ZNF705A: variants seen among roughly 807,000 people sequenced by gnomAD.
ZNF705A encodes zinc finger protein 705A.
Under a neutral mutation model 16.6 loss-of-function variants are expected in ZNF705A, and 8 were observed. The observed-to-expected ratio is 0.48, with a 90% CI of 0.28 to 0.87. The LOEUF is 0.87. ZNF705A is among the 40% of genes least tolerant of loss of function. ZNF705A has a pLI of 0.10. For synonymous variants in ZNF705A, 73 were observed against 117.3 expected (o/e 0.62, Z 2.44); for missense variants, 233 against 359.9 (o/e 0.65, Z 2.85).
At chr12:8,171,626 C>A (rs1948446120), upstream of ZNF705A, among the ~76,000 whole-genome samples, 1 of 152,190 alleles carries the variant, frequency 6.6e-6, no homozygotes, top group Admixed American at 6.5e-5. Flanking sequence ...CACCATGACT[C>A]AGGGTACTCC....
At chr12:8,169,578 A>C (rs1948428040), upstream of ZNF705A, among the ~76,000 whole-genome samples, 1 of 152,236 alleles carries the variant, frequency 6.6e-6, no homozygotes, top group Non-Finnish European at 1.5e-5. Context: ...TCAACATTGT[A>C]TAGCACTGGT....
At chr12:8,166,998 A>G (rs765076861) in intron 1 of ZNF705A, among the ~76,000 whole-genome samples, 11 of 152,238 alleles carry the variant, frequency 7.2e-5, no homozygotes, top group Non-Finnish European at 1.3e-4. Context: ...AATTTCAGAC[A>G]ATACCAGTGG....
chr12:8,169,817 G>A (rs1948429979), upstream of ZNF705A, among the ~76,000 whole-genome samples: 1 of 152,146 alleles, frequency 6.6e-6, no homozygotes, highest in South Asian at 2.1e-4. Flanking sequence ...GTCACAAGTC[G>A]GCCTCTTAAT....
At chr12:8,173,875 T>C (rs561306748) in intron 1 of ZNF705A, among the ~76,000 whole-genome samples, 1 of 152,370 alleles carries the variant, frequency 6.6e-6, no homozygotes, top group Admixed American at 6.5e-5. Context: ...ACCATTTGAT[T>C]GGTGAGAAAC....
chr12:8,176,168 G>C (rs1419136936), intron 4 of ZNF705A, among the ~76,000 whole-genome samples: 4 of 152,190 alleles, frequency 2.6e-5, no homozygotes, highest in African/African-American at 9.6e-5. Flanking sequence ...CTCATGCCCA[G>C]ACATTGAAAG....
At chr12:8,171,529 T>C (rs1398461271), upstream of ZNF705A, among the ~76,000 whole-genome samples, 4 of 152,214 alleles carry the variant, frequency 2.6e-5, no homozygotes, top group Non-Finnish European at 5.9e-5. Flanking sequence ...AAATATCAGA[T>C]TGAGCTGCTA....
At chr12:8,173,067 GAT>G (rs1948457269) in intron 1 of ZNF705A, among the ~76,000 whole-genome samples, 1 of 152,222 alleles carries the variant, frequency 6.6e-6, no homozygotes, top group African/African-American at 2.4e-5. Context: ...GAATGCAAGC[GAT>G]AGAGATGAGC....
intron 1 of ZNF705A, among the ~76,000 whole-genome samples, chr12:8,163,050 C>T (rs1948369585): frequency 2.6e-5 from 4 of 152,150 alleles, no homozygotes. Flanking sequence ...TCCTCTTCAC[C>T]AAGTGGAACA....
intron 1 of ZNF705A, among the ~76,000 whole-genome samples, chr12:8,165,578 T>C (rs113874077): frequency 2.0e-5 from 3 of 151,776 alleles, no homozygotes; most frequent in African/African-American, 4.8e-5. Flanking sequence ...GGTTTTTACA[T>C]TGGCACATTG....
upstream of ZNF705A, among the ~76,000 whole-genome samples, chr12:8,171,091 A>G (rs1390443554): frequency 6.6e-6 from 1 of 152,234 alleles, no homozygotes; most frequent in Non-Finnish European, 1.5e-5. Flanking sequence ...TCTGTTGATC[A>G]TTTATTAAAT....
intron 1 of ZNF705A, among the ~76,000 whole-genome samples, chr12:8,159,324 G>T (rs1948334540): frequency 6.6e-6 from 1 of 152,074 alleles, no homozygotes; most frequent in Non-Finnish European, 1.5e-5. Flanking sequence ...TTCTCTGGGT[G>T]GATACCCAGT....
At chr12:8,173,151 T>C (rs1324684762) in intron 1 of ZNF705A, among the ~76,000 whole-genome samples, 1 of 152,224 alleles carries the variant, frequency 6.6e-6, no homozygotes, top group African/African-American at 2.4e-5. Context: ...TCCAGTGTGA[T>C]AGGACTTGCT....
chr12:8,173,679 T>C (rs914174002), intron 1 of ZNF705A, among the ~76,000 whole-genome samples: 5 of 152,346 alleles, frequency 3.3e-5, no homozygotes, highest in African/African-American at 1.2e-4. Flanking sequence ...ACTATATGTA[T>C]GAATTGAATC....
upstream of ZNF705A, among the ~76,000 whole-genome samples, chr12:8,167,814 C>T (rs1037213616): frequency 2.0e-5 from 3 of 152,070 alleles, no homozygotes; most frequent in Admixed American, 6.5e-5. Flanking sequence ...AGAGACTGAG[C>T]GCTAAGTTTC....
chr12:8,169,742 G>A (rs1163962842), upstream of ZNF705A, among the ~76,000 whole-genome samples: 2 of 152,234 alleles, frequency 1.3e-5, no homozygotes, highest in Non-Finnish European at 2.9e-5. Flanking sequence ...AGGAACTTGA[G>A]ACCTAATACT....
intron 1 of ZNF705A, among the ~76,000 whole-genome samples, chr12:8,174,014 A>C (rs958337251): frequency 1.4e-3 from 214 of 152,304 alleles, no homozygotes; most frequent in Non-Finnish European, 2.5e-3. Flanking sequence ...TTTATTTATG[A>C]ATGTTCAAGT....
upstream of ZNF705A, among the ~76,000 whole-genome samples, chr12:8,171,076 C>T (rs770167020): frequency 2.3e-3 from 349 of 152,244 alleles, 1 homozygote; most frequent in African/African-American, 8.2e-3. Flanking sequence ...TCATATTTTT[C>T]AAACTCTGTT....
intron 1 of ZNF705A, among the ~76,000 whole-genome samples, chr12:8,161,192 G>A (rs571518069): frequency 2.6e-5 from 4 of 152,170 alleles, no homozygotes; most frequent in Non-Finnish European, 5.9e-5. Context: ...GATCATGGTT[G>A]GATTCAGTTA....
intron 1 of ZNF705A, among the ~76,000 whole-genome samples, chr12:8,157,665 T>C (rs147749393): frequency 9.5e-4 from 144 of 152,314 alleles, no homozygotes; most frequent in African/African-American, 3.3e-3. Context: ...GTTTCTATCA[T>C]GCTCATTGCC....
Sources: allele counts gnomAD v4.1 joint callset (sites outside exome capture counted in the v4.1 genomes callset), GRCh38; gene constraint gnomAD v4.1.1; transcripts MANE v1.5; gene names NCBI Gene and HGNC (gene_info 2026-07-23, HGNC 2026-07-21).